The following CCDC93 variants were observed in gnomAD, a reference collection of about 807,000 sequenced individuals.
CCDC93 encodes the protein CCC complex scaffolding subunit CCDC93.
Under a neutral mutation model 108.2 loss-of-function variants are expected in CCDC93, and 61 were observed. The ratio of observed to expected loss-of-function variants is 0.56; its 90% confidence interval spans 0.46 to 0.70. CCDC93 has a LOEUF of 0.70. Ranked by LOEUF, CCDC93 falls within the 30% of genes least tolerant of loss-of-function variation. The pLI is 0.00. For synonymous variants in CCDC93, 276 were observed against 260.4 expected, an observed-to-expected ratio of 1.06 and a Z score of -0.58; for missense variants, 685 against 764.2, an observed-to-expected ratio of 0.90 and a Z score of 1.22.
At chr2:117,993,247 T>C (rs1034713483) in intron 6 of CCDC93, among the ~76,000 whole-genome samples, 1 of 151,800 alleles carries the variant, frequency 6.6e-6, no homozygotes, top group Non-Finnish European at 1.5e-5. Context: ...AAACAAAAAG[T>C]GAGCCAGGTC....
intron 11 of CCDC93, among the ~76,000 whole-genome samples, chr2:117,971,480 T>A (rs1679760747): frequency 6.6e-6 from 1 of 152,128 alleles, no homozygotes; most frequent in Admixed American, 6.5e-5. Flanking sequence ...CCAAAAAGAA[T>A]GAAGACTACA....
chr2:117,947,603 C>T (rs1678912225), intron 15 of CCDC93, among the ~76,000 whole-genome samples: 1 of 151,744 alleles, frequency 6.6e-6, no homozygotes, highest in Non-Finnish European at 1.5e-5. Flanking sequence ...AGTTAGGTGA[C>T]ATTGTTTGTT....
chr2:117,985,704 CAG>C (rs1434716698), intron 7 of CCDC93, among the ~76,000 whole-genome samples: 1 of 152,136 alleles, frequency 6.6e-6, no homozygotes, highest in Non-Finnish European at 1.5e-5. Context: ...GCATGCAGGA[CAG>C]AGTACCTCAG....
rs914743699 is a variant in CCDC93, at chr2:117,918,219, G to C, written c.*2124C>G. On this transcript the variant is annotated 3_prime_UTR_variant, in exon 24 of 24. Coordinates refer to ENST00000376300, the MANE Select transcript of CCDC93 (RefSeq NM_019044.5). ...CTGTCCACACTGAGAGTTGTCTGCAGCAAGTGTGAAATTTGAGCTCAAACT... is the reference window on the plus strand; with the variant it reads ...CTGTCCACACTGAGAGTTGTCTGCACCAAGTGTGAAATTTGAGCTCAAACT... 1.3e-5 allele frequency: 2 copies of C among 152,078 alleles called. No individual in the cohort carries two copies. Among genetic ancestry groups the C allele is most frequent in the Non-Finnish European group, 2.9e-5 (2 of 68,028 alleles). The allele number at this position is 152,078 out of a possible 1,614,324, so 9.4% of individuals were successfully genotyped here.
At chr2:117,928,246 C>A (rs1262035919) in intron 23 of CCDC93, among the ~76,000 whole-genome samples, 5 of 152,202 alleles carry the variant, frequency 3.3e-5, no homozygotes, top group East Asian at 1.9e-4. Context: ...GCAACAAAAG[C>A]CAAAATTGAC....
intron 20 of CCDC93, among the ~76,000 whole-genome samples, chr2:117,937,562 A>T (rs1004089222): frequency 6.6e-6 from 1 of 152,174 alleles, no homozygotes; most frequent in Non-Finnish European, 1.5e-5. Flanking sequence ...CATGGCTTGG[A>T]ATTAGAAAGC....
intron 14 of CCDC93, among the ~76,000 whole-genome samples, 190 bp from the exon 15 acceptor site, chr2:117,948,376 C>T (rs1678943559): frequency 6.6e-6 from 1 of 152,190 alleles, no homozygotes; most frequent in Admixed American, 6.5e-5. Context: ...CATTTATAAA[C>T]CCAAGACCAT....
chr2:117,927,459 T>C (rs1678157879), intron 23 of CCDC93, among the ~76,000 whole-genome samples: 1 of 151,700 alleles, frequency 6.6e-6, no homozygotes, highest in Non-Finnish European at 1.5e-5. Context: ...ACAAGCATTC[T>C]TATACACCAA....
intron 2 of CCDC93, among the ~76,000 whole-genome samples, chr2:118,007,679 A>AAAC (rs138720923): frequency 1.3e-5 from 2 of 152,136 alleles, no homozygotes; most frequent in Non-Finnish European, 2.9e-5. Flanking sequence ...ACAAACAAAC[A>AAAC]AACAACAACA....
intron 11 of CCDC93, among the ~76,000 whole-genome samples, chr2:117,964,146 C>T (rs1354632693): frequency 6.6e-6 from 1 of 152,150 alleles, no homozygotes; most frequent in Non-Finnish European, 1.5e-5. Context: ...AATCTCTCTC[C>T]CCACCTTCCT....
At chr2:117,951,032 CAACA>C (rs1679038757) in intron 13 of CCDC93, 1 of 981,058 alleles carries the variant, frequency 1.0e-6, no homozygotes, top group African/African-American at 1.8e-5. Context: ...GAAAAGGGCT[CAACA>C]AATACTTGAT....
chr2:118,002,562 G>T (rs10195071), intron 3 of CCDC93, among the ~76,000 whole-genome samples: 2 of 152,134 alleles, frequency 1.3e-5, no homozygotes, highest in South Asian at 4.1e-4. Context: ...TCAAATGTCA[G>T]ATCCAATGTG....
intron 7 of CCDC93, among the ~76,000 whole-genome samples, chr2:117,983,563 A>G (rs1388402586): frequency 6.6e-6 from 1 of 151,286 alleles, no homozygotes. Context: ...GATTATAATA[A>G]GGAGAATGAT....
chr2:117,925,947 A>AC (rs1226700045), intron 23 of CCDC93, among the ~76,000 whole-genome samples: 3 of 152,204 alleles, frequency 2.0e-5, no homozygotes, highest in African/African-American at 7.2e-5. Context: ...TCAAACTAGA[A>AC]CTCAGGATTA....
chr2:118,008,713 C>G, intron 1 of CCDC93, 55 bp from the exon 2 acceptor site: 1 of 1,081,240 alleles, frequency 9.2e-7, no homozygotes, highest in Non-Finnish European at 1.4e-6. Flanking sequence ...TAAAGGAACA[C>G]CAGGTATATC....
chr2:117,948,595 T>C (rs755249841), intron 14 of CCDC93, among the ~76,000 whole-genome samples: 11 of 152,182 alleles, frequency 7.2e-5, no homozygotes, highest in African/African-American at 1.7e-4. Context: ...AATTTGACAA[T>C]AAAAATATCA....
intron 17 of CCDC93, chr2:117,944,738 G>C (rs1678814931): frequency 1.3e-5 from 6 of 471,004 alleles, no homozygotes; most frequent in South Asian, 7.7e-5. Context: ...CGCACCCAAG[G>C]GGCTCAGCTG....
intron 5 of CCDC93, 55 bp downstream of exon 5, chr2:117,996,209 T>C (rs1680640881): frequency 8.3e-7 from 1 of 1,204,384 alleles, no homozygotes; most frequent in African/African-American, 1.5e-5. Flanking sequence ...AGAGAGTCTC[T>C]TAAGTGTGCA....
At chr2:117,939,887 T>C (rs1174130387) in intron 19 of CCDC93, among the ~76,000 whole-genome samples, 3 of 152,186 alleles carry the variant, frequency 2.0e-5, no homozygotes, top group African/African-American at 7.2e-5. Flanking sequence ...CAGGCCAAGA[T>C]GCAGATGTGC....
Sources: allele counts gnomAD v4.1 joint callset (sites outside exome capture counted in the v4.1 genomes callset), GRCh38; gene constraint gnomAD v4.1.1; transcripts MANE v1.5; gene names NCBI Gene and HGNC (gene_info 2026-07-23, HGNC 2026-07-21).